Variants in SIM2 observed in about 807,000 individuals in gnomAD.
SIM2 encodes single-minded homolog 2.
SIM2 carries 28 observed loss-of-function variants against 64.8 expected under a neutral mutation model. The observed-to-expected ratio is 0.43, with a 90% confidence interval of 0.32 to 0.59. The LOEUF is 0.59. SIM2 is among the 20% of genes least tolerant of loss of function. The probability of loss-of-function intolerance (pLI) is 0.07; values close to 1 mark genes in which losing one functional copy is unlikely to be tolerated. For synonymous variants in SIM2, 408 were observed against 391.1 expected (o/e 1.04, Z -0.51); for missense variants, 847 against 871.4 (o/e 0.97, Z 0.35).
At chr21:36,731,693 C>G (rs73902717) in intron 7 of SIM2, among the ~76,000 whole-genome samples, 2,183 of 152,174 alleles carry the variant, frequency 0.014, 53 homozygotes, top group African/African-American at 0.05. Flanking sequence ...CTGCTATACC[C>G]CAGCCAGCTA....
chr21:36,711,166 G>T (rs2088671050), intron 2 of SIM2, among the ~76,000 whole-genome samples: 1 of 152,182 alleles, frequency 6.6e-6, no homozygotes, highest in Non-Finnish European at 1.5e-5. Context: ...GCAACTTTTA[G>T]AATTTAATTA....
At chr21:36,700,591 T>C (rs2088477589) in intron 1 of SIM2, among the ~76,000 whole-genome samples, 1 of 152,158 alleles carries the variant, frequency 6.6e-6, no homozygotes, top group Non-Finnish European at 1.5e-5. Flanking sequence ...TTGTCTCTTC[T>C]GGAGGAGGTG....
intron 6 of SIM2, among the ~76,000 whole-genome samples, 171 bp from the exon 7 acceptor site, chr21:36,730,874 G>A (rs1432512828): frequency 1.3e-5 from 2 of 152,130 alleles, no homozygotes; most frequent in African/African-American, 2.4e-5. Context: ...TCCTGCACCG[G>A]GCTCGAGTTC....
At chr21:36,705,703 G>C (rs117225704) in intron 1 of SIM2, among the ~76,000 whole-genome samples, 2,419 of 152,306 alleles carry the variant, frequency 0.016, 28 homozygotes, top group Middle Eastern at 0.075. Flanking sequence ...ACCCAGGTGG[G>C]GCTCCCAAAC....
intron 5 of SIM2, among the ~76,000 whole-genome samples, 182 bp downstream of exon 5, chr21:36,723,312 A>T (rs1393334860): frequency 6.6e-6 from 1 of 152,104 alleles, no homozygotes; most frequent in African/African-American, 2.4e-5. Flanking sequence ...TTTTAGGAGG[A>T]TGTTCCAGCT....
At chr21:36,737,524 TGACA>T (rs1244891274) in intron 7 of SIM2, among the ~76,000 whole-genome samples, 2 of 152,216 alleles carry the variant, frequency 1.3e-5, no homozygotes, top group Non-Finnish European at 2.9e-5. Context: ...TCAGTAAACC[TGACA>T]GTTTGTGTCA....
At chr21:36,708,705 T>G (rs1436680097) in intron 1 of SIM2, among the ~76,000 whole-genome samples, 1 of 151,464 alleles carries the variant, frequency 6.6e-6, no homozygotes, top group Non-Finnish European at 1.5e-5. Context: ...CTGTCTGCCT[T>G]TGGGAAAACA....
chr21:36,721,652 A>C (rs1669124849), intron 4 of SIM2, among the ~76,000 whole-genome samples: 1 of 152,054 alleles, frequency 6.6e-6, no homozygotes, highest in Admixed American at 6.5e-5. Flanking sequence ...CATGCTGGTC[A>C]GACTGGTCTC....
chr21:36,709,326 G>T lies in SIM2; in HGVS notation c.258+76G>T, dbSNP rs756410687. 2.4e-6 allele frequency: 3 copies of T among 1,252,304 alleles called. No individual in the cohort carries two copies. The South Asian group carries it at 3.9e-5, about 16-fold the overall frequency. The allele number at this position is 1,252,304 out of a possible 1,614,324, so 77.6% of individuals were successfully genotyped here. A position where few individuals can be genotyped will look rare whatever the true frequency, so the allele number is the denominator to read the frequency against. ...CACCCCGCCACCCCAGCCTCCAGGC[G>T]TCCCTTCCCCAGGAGCGCCAGGCAG... is the stretch of plus-strand genomic sequence containing the variant. On this transcript the variant is annotated intron_variant, in intron 2 of 10. Coordinates refer to ENST00000290399, the MANE Select transcript of SIM2 (RefSeq NM_005069.6).
At chr21:36,737,587 G>A (rs2089082493) in intron 7 of SIM2, among the ~76,000 whole-genome samples, 1 of 152,216 alleles carries the variant, frequency 6.6e-6, no homozygotes, top group African/African-American at 2.4e-5. Context: ...TGTCCACATG[G>A]CTATTCTTCC....
intron 3 of SIM2, among the ~76,000 whole-genome samples, chr21:36,716,350 A>G (rs930330641): frequency 6.6e-6 from 1 of 152,078 alleles, no homozygotes; most frequent in Admixed American, 6.6e-5. Context: ...ACTAGTATAC[A>G]TGTTCAAATA....
intron 1 of SIM2, chr21:36,701,278 T>G (rs1294248303): frequency 6.6e-6 from 1 of 152,280 alleles, no homozygotes; most frequent in East Asian, 1.9e-4. Flanking sequence ...GCAGGGCGCT[T>G]CCATAGCGCC....
intron 7 of SIM2, among the ~76,000 whole-genome samples, chr21:36,741,139 C>T (rs1451064451): frequency 6.6e-6 from 1 of 152,170 alleles, no homozygotes; most frequent in African/African-American, 2.4e-5. Flanking sequence ...GAGGTCTTTC[C>T]TACATAAACA....
chr21:36,711,773 A>G (rs1311466358), intron 2 of SIM2, among the ~76,000 whole-genome samples: 1 of 152,214 alleles, frequency 6.6e-6, no homozygotes, highest in Non-Finnish European at 1.5e-5. Context: ...AAAATAATTT[A>G]GTCTTTTTAT....
At chr21:36,703,013 G>A (rs875224) in intron 1 of SIM2, among the ~76,000 whole-genome samples, 38,110 of 151,448 alleles carry the variant, frequency 0.25, 8,412 homozygotes, top group African/African-American at 0.61. Context: ...CATACCTGGG[G>A]AAATTAAGGC....
At chr21:36,736,746 T>C (rs58268868) in intron 7 of SIM2, among the ~76,000 whole-genome samples, 10,104 of 87,306 alleles carry the variant, frequency 0.12, 922 homozygotes, top group African/African-American at 0.33. Flanking sequence ...CCCTTCCCTT[T>C]CCTTTCCTCC....
intron 7 of SIM2, among the ~76,000 whole-genome samples, chr21:36,733,230 C>T (rs2088994940): frequency 1.3e-5 from 2 of 150,806 alleles, no homozygotes; most frequent in South Asian, 4.2e-4. Flanking sequence ...TCAAAAATCT[C>T]TTTTTTTTTA....
chr21:36,721,078 A>T lies in SIM2; in HGVS notation c.457+1149A>T, dbSNP rs980945633. Among the ~76,000 whole-genome samples the T allele has an allele frequency of 7.9e-5, 12 of 152,332 alleles. 1 individual carries two copies. Among genetic ancestry groups the T allele is most frequent in the East Asian group, 3.9e-4 (2 of 5,182 alleles). On this transcript the variant is annotated intron_variant, in intron 4 of 10. Transcript: ENST00000290399. ...AGAGAGAATACAAAATAGCACACAC[A>T]GTTGTAAAATCCCTTGCAGACAGTT...
intron 2 of SIM2, chr21:36,710,088 A>T (rs1474231998): frequency 6.5e-6 from 1 of 154,600 alleles, no homozygotes; most frequent in Non-Finnish European, 1.4e-5. Context: ...TTGGGATTAC[A>T]GGCGTGAGCC....
Sources: allele counts gnomAD v4.1 joint callset (sites outside exome capture counted in the v4.1 genomes callset), GRCh38; gene constraint gnomAD v4.1.1; transcripts MANE v1.5; gene names NCBI Gene and HGNC (gene_info 2026-07-23, HGNC 2026-07-21).